CSMD1: variants seen among roughly 807,000 people sequenced by gnomAD.
CSMD1 encodes CUB and sushi domain-containing protein 1.
CSMD1 carries 213 observed loss-of-function variants against 417.5 expected under a neutral mutation model. That is an observed-to-expected ratio of 0.51 (90% CI 0.46 to 0.57). CSMD1 has a LOEUF of 0.57. CSMD1 is among the 20% of genes least tolerant of loss of function. The pLI is 0.00. For missense variants in CSMD1, 6,923 were observed against 4,529.7 expected, an observed-to-expected ratio of 1.53 and a Z score of -15.17; for synonymous variants, 2,862 against 1,736.8, an observed-to-expected ratio of 1.65 and a Z score of -16.11.
At chr8:4,052,961 A>C (rs1181882288) in intron 3 of CSMD1, among the ~76,000 whole-genome samples, 1 of 152,080 alleles carries the variant, frequency 6.6e-6, no homozygotes, top group Admixed American at 6.6e-5. Flanking sequence ...GTATAAATGG[A>C]CCCAGAACCT....
intron 1 of CSMD1, among the ~76,000 whole-genome samples, chr8:4,990,417 G>A (rs1286164408): frequency 5.3e-5 from 8 of 151,810 alleles, no homozygotes; most frequent in Admixed American, 1.3e-4. Context: ...AGGCTGGAGT[G>A]CAATGGCACG....
At chr8:4,791,580 G>A (rs534443988) in intron 1 of CSMD1, among the ~76,000 whole-genome samples, 19 of 152,282 alleles carry the variant, frequency 1.2e-4, no homozygotes, top group South Asian at 4.1e-4. Context: ...ACTAACGTGA[G>A]GAAATCTGAA....
At chr8:3,470,528 T>C (rs1025991326) in intron 11 of CSMD1, among the ~76,000 whole-genome samples, 3 of 152,174 alleles carry the variant, frequency 2.0e-5, no homozygotes, top group Non-Finnish European at 2.9e-5. Flanking sequence ...GTTTTATTCG[T>C]ATTTTGTATG....
intron 16 of CSMD1, among the ~76,000 whole-genome samples, chr8:3,397,657 T>C (rs946806910): frequency 6.6e-6 from 1 of 152,214 alleles, no homozygotes; most frequent in Admixed American, 6.5e-5. Context: ...ATTCAAGAAG[T>C]CTGGCTAAGC....
chr8:3,097,699 T>C (rs912024753), intron 46 of CSMD1, among the ~76,000 whole-genome samples: 1 of 152,232 alleles, frequency 6.6e-6, no homozygotes, highest in Non-Finnish European at 1.5e-5. Context: ...TTTCATTTAA[T>C]ATTTTCAGAC....
intron 5 of CSMD1, among the ~76,000 whole-genome samples, chr8:3,792,693 C>T (rs1297125151): frequency 1.3e-5 from 2 of 152,152 alleles, no homozygotes; most frequent in African/African-American, 4.8e-5. Context: ...GAAATCTTTT[C>T]TAAAATTGAC....
intron 11 of CSMD1, among the ~76,000 whole-genome samples, chr8:3,481,638 G>T (rs1195539283): frequency 1.3e-5 from 2 of 152,178 alleles, no homozygotes; most frequent in African/African-American, 2.4e-5. Flanking sequence ...GATGTAGGTG[G>T]GCCCTAAATG....
At chr8:3,934,653 A>T (rs1810366127) in intron 5 of CSMD1, among the ~76,000 whole-genome samples, 1 of 152,076 alleles carries the variant, frequency 6.6e-6, no homozygotes, top group African/African-American at 2.4e-5. Flanking sequence ...CAGGAGTTCG[A>T]GACCAGCCTG....
At chr8:4,807,521 C>T (rs1798658653) in intron 1 of CSMD1, among the ~76,000 whole-genome samples, 1 of 152,124 alleles carries the variant, frequency 6.6e-6, no homozygotes, top group African/African-American at 2.4e-5. Context: ...CCCAGACAAA[C>T]CAGAGAGCAG....
At chr8:4,374,971 G>GGGA (rs1554450718) in intron 3 of CSMD1, among the ~76,000 whole-genome samples, 1 of 133,206 alleles carries the variant, frequency 7.5e-6, no homozygotes, top group Non-Finnish European at 1.6e-5. Flanking sequence ...TGGGGGGGGG[G>GGGA]GGCGATAGTG....
intron 3 of CSMD1, among the ~76,000 whole-genome samples, chr8:4,123,567 G>C (rs1204976454): frequency 6.6e-6 from 1 of 152,112 alleles, no homozygotes; most frequent in African/African-American, 2.4e-5. Context: ...TTAAAGTGAG[G>C]AAATTCAACG....
chr8:4,637,475 T>A lies in CSMD1; in HGVS notation c.169A>T (p.Asn57Tyr). ...GFPHGYPNYA[N>Y]CTWIIITGER... ...CCCGTGATGATGATCCAGGTGCAGT[T>A]GGCATAGTTCGGATACCCGTGAGGA... is the stretch of plus-strand genomic sequence containing the variant. The change falls in exon 2 of 70, where the codon AAC (asparagine) becomes TAC (tyrosine). Residue 57 changes from asparagine to tyrosine, a missense_variant. Transcript: ENST00000635120. 1 of 1,613,862 alleles carries A rather than the reference T, an allele frequency of 6.2e-7. No individual in the cohort carries two copies. Among genetic ancestry groups the A allele is most frequent in the Non-Finnish European group, 8.5e-7 (1 of 1,179,870 alleles).
chr8:4,008,778 T>C (rs1272693593), intron 4 of CSMD1, among the ~76,000 whole-genome samples: 1 of 151,872 alleles, frequency 6.6e-6, no homozygotes, highest in Non-Finnish European at 1.5e-5. Flanking sequence ...GCCTGGCTAA[T>C]TTTTTGTGTT....
intron 5 of CSMD1, among the ~76,000 whole-genome samples, chr8:3,827,510 C>T (rs1018098110): frequency 6.6e-6 from 1 of 152,188 alleles, no homozygotes; most frequent in South Asian, 2.1e-4. Flanking sequence ...TCCTCTGTGA[C>T]ATCTAGGTTT....
intron 50 of CSMD1, among the ~76,000 whole-genome samples, chr8:3,036,283 G>C (rs1025893830): frequency 6.6e-6 from 1 of 152,098 alleles, no homozygotes; most frequent in African/African-American, 2.4e-5. Context: ...CATAAATAAA[G>C]CCCTTTGCCC....
At chr8:4,422,518 C>A (rs764520396) in intron 2 of CSMD1, among the ~76,000 whole-genome samples, 6 of 152,120 alleles carry the variant, frequency 3.9e-5, no homozygotes, top group Non-Finnish European at 8.8e-5. Flanking sequence ...GAGAAAAGAC[C>A]ATGTGAGCAT....
At chr8:4,679,520 G>T (rs551173862) in intron 1 of CSMD1, among the ~76,000 whole-genome samples, 1 of 152,108 alleles carries the variant, frequency 6.6e-6, no homozygotes, top group African/African-American at 2.4e-5. Flanking sequence ...TTCGCTTCTG[G>T]CATTGGCCCC....
At chr8:3,763,476 C>A (rs926884553) in intron 5 of CSMD1, among the ~76,000 whole-genome samples, 2 of 152,214 alleles carry the variant, frequency 1.3e-5, no homozygotes, top group Admixed American at 1.3e-4. Context: ...CCTTTGCTCC[C>A]CTTCTCACCC....
At chr8:4,226,005 T>G (rs756762696) in intron 3 of CSMD1, among the ~76,000 whole-genome samples, 2 of 151,806 alleles carry the variant, frequency 1.3e-5, no homozygotes, top group Non-Finnish European at 2.9e-5. Context: ...TTAAAATAAA[T>G]TTTCCCATGA....
Sources: gnomAD v4.1 joint callset for allele counts (sites outside exome capture counted in the v4.1 genomes callset) on GRCh38, gnomAD v4.1.1 for gene constraint, MANE v1.5 for transcripts, NCBI Gene and HGNC (gene_info 2026-07-23, HGNC 2026-07-21) for gene names.